The following WDR44 variants were observed in gnomAD, a reference collection of about 807,000 sequenced individuals.
The protein encoded by WDR44 is WD repeat domain 44.
WDR44 carries 9 observed loss-of-function variants against 65.7 expected under a neutral mutation model. That is an observed-to-expected ratio of 0.14 (90% CI 0.08 to 0.24). The LOEUF is 0.24. Ranked by LOEUF, WDR44 falls within the 10% of genes least tolerant of loss-of-function variation. WDR44 has a pLI of 1.00. For missense variants in WDR44, 425 were observed against 670.9 expected (o/e 0.63, Z 4.05); for synonymous variants, 220 against 235.2 (o/e 0.94, Z 0.59).
At position 118,444,423 on chromosome X, in the gene WDR44, A is replaced by T; in HGVS notation, c.2576A>T (p.Asp859Val). The T allele has an allele frequency of 8.3e-7, 1 of 1,211,150 alleles. No homozygotes were observed. Among genetic ancestry groups the T allele is most frequent in the South Asian group, 1.8e-5 (1 of 56,947 alleles). Residue 859 changes from aspartate to valine, a missense_variant, in exon 19 of 20, where the codon GAT (aspartate) becomes GTT (valine). This residue lies in a region of WDR44 where 37 missense variants were observed against 40.9 expected (regional missense o/e 0.90). Transcript: ENST00000254029. ...AACCCAAGTTTGATGTTATCTTTGG[A>T]TGTGCAATCTGAAAAATCAGAAGGG... is the stretch of plus-strand genomic sequence containing the variant. ...APNPSLMLSL[D>V]VQSEKSEGNE...
At chrX:118,418,360 TGTCCCACTGGG>T (rs1293089274) in intron 12 of WDR44, among the ~76,000 whole-genome samples, 1 of 111,789 alleles carries the variant, frequency 8.9e-6, no homozygotes, top group Non-Finnish European at 1.9e-5. Context: ...CAGATTCGTT[TGTCCCACTGGG>T]TGTTCCCTTG....
At chrX:118,410,183 T>G (rs2057001258) in intron 11 of WDR44, among the ~76,000 whole-genome samples, 2 of 111,891 alleles carry the variant, frequency 1.8e-5, no homozygotes, top group Admixed American at 1.9e-4. Flanking sequence ...GATTCTTTTC[T>G]AATAACTATT....
intron 13 of WDR44, among the ~76,000 whole-genome samples, chrX:118,434,458 T>C (rs962297435): frequency 5.3e-5 from 6 of 112,388 alleles, no homozygotes; most frequent in Non-Finnish European, 9.4e-5. Flanking sequence ...TAATACAAAA[T>C]GGGGCTTTTA....
chrX:118,407,002 G>T lies in WDR44; in HGVS notation c.1509G>T (p.Val503=). 8.3e-7 allele frequency: 1 copy of T among 1,208,777 alleles called. No individual in the cohort carries two copies. Among genetic ancestry groups the T allele is most frequent in the Non-Finnish European group, 1.1e-6 (1 of 894,530 alleles). Residue 503 remains valine (V), a synonymous_variant, in exon 10 of 20, where the codon GTG becomes GTT. Coordinates refer to ENST00000254029, the MANE Select transcript of WDR44 (RefSeq NM_019045.5). The stretch of plus-strand genomic sequence containing the variant: ...ATGATTTTGATCAGATCAAAGTGGT[G>T]CAAGATCTTAGTGGTGAACATATGG... ...GPYDFDQIKV[V]QDLSGEHMGA... is the part of the protein sequence containing the mutation.
chrX:118,427,993 AT>A (rs1256044920), intron 12 of WDR44, among the ~76,000 whole-genome samples: 1 of 109,767 alleles, frequency 9.1e-6, no homozygotes, highest in African/African-American at 3.3e-5. Context: ...TAATTAAAAA[AT>A]AATTTTGCGG....
chrX:118,348,993 A>C (rs2147654530), intron 1 of WDR44, among the ~76,000 whole-genome samples: 1 of 112,224 alleles, frequency 8.9e-6, no homozygotes, highest in Non-Finnish European at 1.9e-5. Flanking sequence ...CTAATACACA[A>C]GCTATTTCCT....
chrX:118,428,970 CAT>C (rs1302854803), intron 12 of WDR44, among the ~76,000 whole-genome samples: 1 of 110,752 alleles, frequency 9.0e-6, no homozygotes, highest in African/African-American at 3.3e-5. Context: ...CCAAACACCA[CAT>C]GTTATCACTT....
chrX:118,393,905 C>A, intron 4 of WDR44, 150 bp from the exon 5 acceptor site: 1 of 466,415 alleles, frequency 2.1e-6, no homozygotes, highest in Non-Finnish European at 3.4e-6. Flanking sequence ...TTTGTATGAG[C>A]TGTATAGTCT....
intron 7 of WDR44, 59 bp downstream of exon 7, chrX:118,397,165 T>C: frequency 9.6e-7 from 1 of 1,037,902 alleles, no homozygotes; most frequent in Non-Finnish European, 1.3e-6. Flanking sequence ...AAGATTTCTC[T>C]GTTAATGAAC....
intron 1 of WDR44, among the ~76,000 whole-genome samples, chrX:118,356,080 G>A (rs1389922748): frequency 1.8e-5 from 2 of 111,959 alleles, no homozygotes; most frequent in African/African-American, 3.3e-5. Flanking sequence ...TGCAAAGAAC[G>A]ATAACACCAT....
intron 12 of WDR44, among the ~76,000 whole-genome samples, chrX:118,417,473 T>G (rs2057067131): frequency 9.0e-6 from 1 of 111,669 alleles, no homozygotes; most frequent in Non-Finnish European, 1.9e-5. Flanking sequence ...AAATTCTTAG[T>G]GATAATTGTT....
chrX:118,368,862 G>A (rs1434065517), intron 1 of WDR44, among the ~76,000 whole-genome samples: 2 of 105,455 alleles, frequency 1.9e-5, no homozygotes, highest in Non-Finnish European at 3.9e-5. Flanking sequence ...GACTACGGGT[G>A]TGCACCACCA....
intron 1 of WDR44, among the ~76,000 whole-genome samples, chrX:118,369,780 T>C (rs2056598229): frequency 1.8e-5 from 2 of 112,294 alleles, no homozygotes; most frequent in Non-Finnish European, 3.8e-5. Flanking sequence ...AATAACTTTC[T>C]AATAGAAAAC....
At chrX:118,354,419 TA>T (rs59731854) in intron 1 of WDR44, among the ~76,000 whole-genome samples, 28,708 of 96,135 alleles carry the variant, frequency 0.3, 6,589 homozygotes, top group African/African-American at 0.74. Context: ...CTCTGTCTCT[TA>T]AAAAAAAAAA....
At chrX:118,352,352 A>ATATATATATTTTTTTT (rs1357425730) in intron 1 of WDR44, among the ~76,000 whole-genome samples, 1 of 14,224 alleles carries the variant, frequency 7.0e-5, no homozygotes, top group African/African-American at 3.7e-4. Context: ...ATATATATAT[A>ATATATATATTTTTTTT]TTTTTTTTTT....
At position 118,441,556 on chromosome X, in the gene WDR44, A is replaced by G. The variant is rs1602979317; in HGVS notation, c.2163A>G (p.Thr721=). 1 of 1,193,692 alleles carries G rather than the reference A, an allele frequency of 8.4e-7. No individual in the cohort carries two copies. Among genetic ancestry groups the G allele is most frequent in the Admixed American group, 2.2e-5 (1 of 44,998 alleles). Residue 721 remains threonine (T), a synonymous_variant, in exon 15 of 20, where the codon ACA becomes ACG. Transcript: ENST00000254029. ...ATGGCAGATGTATTTTCTATGATACAGAGGTAAATGATTGTTTTTTGTAAA... is the reference window on the plus strand; with the variant it reads ...ATGGCAGATGTATTTTCTATGATACGGAGGTAAATGATTGTTTTTTGTAAA... ...TYDGRCIFYD[T]EHLKYHTQIH...
rs184790883 is a variant in WDR44 at position 118,418,591 on chromosome X, G to T, written c.1737+7632G>T. Among the ~76,000 whole-genome samples, 3 of 111,165 alleles carry T rather than the reference G, an allele frequency of 2.7e-5. No homozygotes were observed. The East Asian group carries it at 8.5e-4, about 32-fold the overall frequency. On this transcript the variant is annotated intron_variant, in intron 12 of 19. Transcript: ENST00000254029. ...CACCTGTACCAGTGGAAGTGGCAGG[G>T]GGGTGAAATGGACTCTGTGAGGGTT...
chrX:118,404,486 T>A (rs1031012933), intron 9 of WDR44, 42 bp downstream of exon 9: 1 of 1,011,803 alleles, frequency 9.9e-7, no homozygotes, highest in African/African-American at 1.9e-5. Flanking sequence ...TTCAATTAAT[T>A]TGTAATCGTC....
intron 6 of WDR44, 104 bp from the exon 7 acceptor site, chrX:118,396,866 A>G: frequency 2.2e-6 from 2 of 895,779 alleles, no homozygotes; most frequent in South Asian, 3.0e-5. Flanking sequence ...TATTGAATAT[A>G]TCTAAAAAGC....
Sources: allele counts gnomAD v4.1 joint callset (sites outside exome capture counted in the v4.1 genomes callset), GRCh38; gene constraint gnomAD v4.1.1; regional missense constraint gnomAD v4.1.1; transcripts MANE v1.5; gene names NCBI Gene and HGNC (gene_info 2026-07-23, HGNC 2026-07-21).